The following TIAM1 variants were observed in gnomAD, a reference collection of about 807,000 sequenced individuals.
TIAM1 encodes the protein rho guanine nucleotide exchange factor TIAM1.
In TIAM1, 65 loss-of-function variants were observed where a neutral mutation model predicts 163.5. The observed-to-expected ratio is 0.40, with a 90% CI of 0.33 to 0.49. The LOEUF (loss-of-function observed/expected upper bound fraction) is 0.49. TIAM1 is among the 20% of genes least tolerant of loss of function. TIAM1 has a pLI of 0.77. For missense variants in TIAM1, 1,789 were observed against 2,044.7 expected, an observed-to-expected ratio of 0.87 and a Z score of 2.41; for synonymous variants, 833 against 810.1, an observed-to-expected ratio of 1.03 and a Z score of -0.48.
chr21:31,207,880 G>A (rs375361108), intron 11 of TIAM1, among the ~76,000 whole-genome samples: 54 of 152,262 alleles, frequency 3.5e-4, no homozygotes, highest in South Asian at 6.2e-4. Flanking sequence ...GTGAGCCACC[G>A]TGCCCGGCAT....
chr21:31,184,397 T>C (rs573036009), intron 14 of TIAM1, among the ~76,000 whole-genome samples: 6 of 152,238 alleles, frequency 3.9e-5, no homozygotes, highest in South Asian at 2.1e-4. Flanking sequence ...TGAGCCACCG[T>C]GCCCGGCCAA....
At chr21:31,447,524 G>A (rs1241592931) in intron 2 of TIAM1, among the ~76,000 whole-genome samples, 2 of 152,136 alleles carry the variant, frequency 1.3e-5, no homozygotes, top group East Asian at 3.9e-4. Context: ...GAAATTCTCT[G>A]AAGATCAATA....
intron 5 of TIAM1, 147 bp from the exon 6 acceptor site, chr21:31,245,807 G>C: frequency 1.3e-6 from 1 of 754,138 alleles, no homozygotes; most frequent in Non-Finnish European, 1.8e-6. Flanking sequence ...AGCCAGGCTT[G>C]GACTCAAGTC....
intron 6 of TIAM1, among the ~76,000 whole-genome samples, chr21:31,231,957 A>G (rs1324653394): frequency 6.6e-6 from 1 of 151,940 alleles, no homozygotes; most frequent in Non-Finnish European, 1.5e-5. Flanking sequence ...GGTTGTAGTG[A>G]GCTGAGATTA....
In TIAM1 at chr21:31,266,406, G is replaced by GCTCA; in HGVS notation, c.563_566dup (p.Gln190GlufsTer46). 6.2e-7 allele frequency: 1 copy of GCTCA among 1,614,200 alleles called. No individual in the cohort carries two copies. The highest frequency in any genetic ancestry group is 8.5e-7 in the Non-Finnish European group (1 of 1,180,052). On this transcript the variant is annotated frameshift_variant, in exon 4 of 28. Coordinates refer to ENST00000541036, the MANE Select transcript of TIAM1 (RefSeq NM_001353694.2). LOFTEE classifies it high-confidence loss of function. ...CTTCGTTGCTTGTTAAATGTTCTTG[G>GCTCA]CTCAGATCAGAGAGTGAGAATTCCA...
intron 2 of TIAM1, among the ~76,000 whole-genome samples, chr21:31,382,341 G>C (rs1206186503): frequency 6.6e-6 from 1 of 152,198 alleles, no homozygotes; most frequent in African/African-American, 2.4e-5. Flanking sequence ...TTTACGCCGT[G>C]TCTAGAACAT....
intron 2 of TIAM1, among the ~76,000 whole-genome samples, chr21:31,445,513 TG>T (rs1274869413): frequency 1.3e-5 from 2 of 152,224 alleles, no homozygotes; most frequent in African/African-American, 2.4e-5. Context: ...CTTGCCATTC[TG>T]GATGTCGTCT....
intron 14 of TIAM1, among the ~76,000 whole-genome samples, chr21:31,184,295 A>G (rs1367385159): frequency 3.9e-5 from 6 of 152,044 alleles, no homozygotes; most frequent in Non-Finnish European, 8.8e-5. Context: ...TAGTAGAGAC[A>G]GGGTTTCACC....
chr21:31,536,525 G>A (rs1273796788), intron 1 of TIAM1, among the ~76,000 whole-genome samples: 4 of 152,194 alleles, frequency 2.6e-5, no homozygotes, highest in African/African-American at 7.2e-5. Context: ...ACTCTCACCC[G>A]ATACTCTTCA....
Position 31,154,315 on chromosome 21 carries a change from G to A in TIAM1, c.3103C>T (p.Leu1035Phe). The change falls in exon 17 of 28, where the codon CTC (leucine) becomes TTC (phenylalanine). Residue 1035 changes from leucine (L) to phenylalanine (F), a missense_variant. Physicochemically the swap from Leu to Phe is conservative, Grantham distance 22 (BLOSUM62 0). Coordinates refer to ENST00000541036, the MANE Select transcript of TIAM1 (RefSeq NM_001353694.2). ...TGPQLATMRQ[L>F]SDADKLRKVI... is the part of the protein sequence containing the mutation. ...TTGCGCAGCTTATCTGCATCCGAGA[G>A]TTGTCTCATGGTCGCCAGCTGAGGC... The A allele has an allele frequency of 6.2e-7, 1 of 1,614,178 alleles. No individual in the cohort carries two copies. Among genetic ancestry groups the A allele is most frequent in the South Asian group, 1.1e-5 (1 of 91,082 alleles).
At chr21:31,370,200 G>A (rs1007035989) in intron 2 of TIAM1, among the ~76,000 whole-genome samples, 1 of 152,088 alleles carries the variant, frequency 6.6e-6, no homozygotes, top group African/African-American at 2.4e-5. Flanking sequence ...GGAGCCGAAT[G>A]GACTGAGACA....
At chr21:31,228,293 C>T (rs963772820) in intron 6 of TIAM1, among the ~76,000 whole-genome samples, 1 of 72,800 alleles carries the variant, frequency 1.4e-5, no homozygotes, top group Non-Finnish European at 2.9e-5. Context: ...TGAAAATACC[C>T]AGTGTTGGCA....
intron 1 of TIAM1, among the ~76,000 whole-genome samples, chr21:31,553,884 G>A (rs1021646236): frequency 2.0e-5 from 3 of 152,044 alleles, no homozygotes; most frequent in African/African-American, 4.8e-5. Context: ...TTCCCCTAGC[G>A]AAGAGGATTC....
At chr21:31,487,799 C>A (rs1602399704) in intron 1 of TIAM1, among the ~76,000 whole-genome samples, 2 of 151,968 alleles carry the variant, frequency 1.3e-5, no homozygotes, top group East Asian at 3.9e-4. Flanking sequence ...CCTCATGATC[C>A]ACCCGCCTCG....
chr21:31,130,413 ACT>A (rs976244352), intron 24 of TIAM1, 98 bp from the exon 25 acceptor site: 55 of 929,282 alleles, frequency 5.9e-5, no homozygotes, highest in Non-Finnish European at 9.0e-5. Context: ...TCACGCAGTA[ACT>A]CTAGGCGTGC....
At chr21:31,350,391 C>A (rs145163936) in intron 2 of TIAM1, among the ~76,000 whole-genome samples, 1 of 152,072 alleles carries the variant, frequency 6.6e-6, no homozygotes, top group Non-Finnish European at 1.5e-5. Flanking sequence ...TGGAGAATGA[C>A]GCTGGCTAAG....
rs367913565 is a variant in TIAM1 at position 31,223,974 on chromosome 21, T to C, written c.1810-383A>G. On this transcript the variant is annotated intron_variant, in intron 7 of 27. Coordinates refer to ENST00000541036, the MANE Select transcript of TIAM1 (RefSeq NM_001353694.2). ...TTCATACAAAGAAAAGTGAGACGAATGAAAGGCTAGAAGCAATGGACCAAG... is the reference window on the plus strand; with the variant it reads ...TTCATACAAAGAAAAGTGAGACGAACGAAAGGCTAGAAGCAATGGACCAAG... Among the ~76,000 whole-genome samples the C allele has an allele frequency of 6.3e-4, 96 of 152,236 alleles. 1 individual carries two copies. In the South Asian group the frequency reaches 9.7e-3, roughly 15 times the overall value.
At chr21:31,287,864 G>A (rs1601834280) in intron 2 of TIAM1, among the ~76,000 whole-genome samples, 1 of 152,132 alleles carries the variant, frequency 6.6e-6, no homozygotes, top group South Asian at 2.1e-4. Context: ...TCCCACCTGG[G>A]TAGCTTGGAA....
At chr21:31,368,674 T>C (rs1304539890) in intron 2 of TIAM1, among the ~76,000 whole-genome samples, 2 of 152,134 alleles carry the variant, frequency 1.3e-5, no homozygotes, top group African/African-American at 4.8e-5. Flanking sequence ...GTCCCCAGTA[T>C]ACTTATATTT....
Sources: allele counts gnomAD v4.1 joint callset (sites outside exome capture counted in the v4.1 genomes callset), GRCh38; gene constraint gnomAD v4.1.1; transcripts MANE v1.5; gene names NCBI Gene and HGNC (gene_info 2026-07-23, HGNC 2026-07-21).